The following ERCC2 variants were observed in gnomAD, a reference collection of about 807,000 sequenced individuals.
ERCC2 encodes the protein general transcription and DNA repair factor IIH helicase subunit XPD.
Under a neutral mutation model 99.4 loss-of-function variants are expected in ERCC2, and 90 were observed. The observed-to-expected ratio is 0.91, with a 90% CI of 0.76 to 1.08. The LOEUF is 1.08. Ranked by LOEUF, ERCC2 falls within the 50% of genes least tolerant of loss-of-function variation. The pLI, the probability that ERCC2 is intolerant of heterozygous loss-of-function variation, is 0.00. For missense variants in ERCC2, 993 were observed against 1,038.1 expected (o/e 0.96, Z 0.60); for synonymous variants, 497 against 432.4 (o/e 1.15, Z -1.85).
In ERCC2 at chr19:45,350,858, T is replaced by G; in HGVS notation, c.*771A>C. On this transcript the variant is annotated 3_prime_UTR_variant, in exon 23 of 23. Coordinates refer to ENST00000391945, the MANE Select transcript of ERCC2 (RefSeq NM_000400.4). ...CCTTCCATGGCTCCCATCTCCCCTG[T>G]GATACACACAGATCAAACCCTGTGC... 7.3e-7 allele frequency: 1 copy of G among 1,368,346 alleles called. No homozygotes were observed. Among genetic ancestry groups the G allele is most frequent in the Non-Finnish European group, 1.0e-6 (1 of 982,888 alleles). The allele number at this position is 1,368,346 out of a possible 1,614,324, so 84.8% of individuals were successfully genotyped here. A position where few individuals can be genotyped will look rare whatever the true frequency, so the allele number is the denominator to read the frequency against.
At chr19:45,358,022 C>T in intron 12 of ERCC2, 2 of 479,098 alleles carry the variant, frequency 4.2e-6, no homozygotes, top group Non-Finnish European at 7.7e-6. Flanking sequence ...GGAGCCAGAG[C>T]CTCAAGCTTT....
rs142103003 is a variant in ERCC2 at position 45,351,457 on chromosome 19, C to T, written c.*172G>A. ...TCTATCATCTCCTGGCCCCCCCTTG[C>T]CTCTGGGTACCTGGTGGATAGCTGC... On this transcript the variant is annotated 3_prime_UTR_variant, in exon 23 of 23. Transcript: ENST00000391945. 5.2e-3 allele frequency: 8,270 copies of T among 1,582,124 alleles called. 26 individuals carry two copies. Among genetic ancestry groups the T allele is most frequent in the Non-Finnish European group, 6.1e-3 (7,162 of 1,167,974 alleles).
rs200961718 is a variant in ERCC2 at position 45,350,402 on chromosome 19, T to C, written c.*1227A>G. ...GCGGAAGAGCTGTACAAAGAAATCCTCCACAAGGAGGACCTACCCGCCCCT... is the reference window on the plus strand; with the variant it reads ...GCGGAAGAGCTGTACAAAGAAATCCCCCACAAGGAGGACCTACCCGCCCCT... On this transcript the variant is annotated 3_prime_UTR_variant, in exon 23 of 23. Coordinates refer to ENST00000391945, the MANE Select transcript of ERCC2 (RefSeq NM_000400.4). 2.5e-4 allele frequency: 398 copies of C among 1,612,228 alleles called. No individual in the cohort carries two copies. Among genetic ancestry groups the C allele is most frequent in the Non-Finnish European group, 3.3e-4 (385 of 1,179,700 alleles).
rs138038607 is a variant in ERCC2 at position 45,353,125 on chromosome 19, G to A, written c.1789C>T (p.Leu597=). 2.4e-4 allele frequency: 394 copies of A among 1,613,638 alleles called. 1 individual carries two copies. The African/African-American group carries it at 3.0e-3, about 12-fold the overall frequency. ...GACACTTTGCCCCGGGCCACTGACA[G>A]CAGGATGGCCCCGCGGCCATTCTCG... ...ACENGRGAIL[L]SVARGKVSEG... Residue 597 remains leucine (L), a synonymous_variant, in exon 19 of 23, where the codon CTG becomes TTG. Coordinates refer to ENST00000391945, the MANE Select transcript of ERCC2 (RefSeq NM_000400.4).
intron 17 of ERCC2, 27 bp downstream of exon 17, chr19:45,354,703 G>A (rs967559959): frequency 6.2e-7 from 1 of 1,613,072 alleles, no homozygotes. Flanking sequence ...AGGAGAGCAG[G>A]TGCAGGGAGG....
chr19:45,370,490 A>G (rs994040151), intron 1 of ERCC2, 46 bp downstream of exon 1: 2 of 1,520,172 alleles, frequency 1.3e-6, no homozygotes, highest in African/African-American at 1.5e-5. Context: ...CATCTTCAAG[A>G]CCCCCCGCGC....
At position 45,352,004 on chromosome 19, in the gene ERCC2, G is replaced by T. The variant is rs238418; in HGVS notation, c.2190+205C>A. Among the ~76,000 whole-genome samples the T allele has an allele frequency of 0.52, 78,749 of 152,048 alleles. 23,713 individuals are homozygous for T. Among genetic ancestry groups the T allele is most frequent in the African/African-American group, 0.85 (35,081 of 41,494 alleles). ...TCACCCCAACTTCTCTCACCCTGCC[G>T]TGCCTGGGCCACCTGCTGGCATCTG... On this transcript the variant is annotated intron_variant, in intron 22 of 22. Coordinates refer to ENST00000391945, the MANE Select transcript of ERCC2 (RefSeq NM_000400.4).
At chr19:45,367,714 A>G (rs946325085) in intron 5 of ERCC2, among the ~76,000 whole-genome samples, 1 of 151,848 alleles carries the variant, frequency 6.6e-6, no homozygotes, top group African/African-American at 2.4e-5. Flanking sequence ...GGGTTTCTCC[A>G]TATTGGCCAG....
Position 45,350,525 on chromosome 19 carries a change from A to ACAGG in ERCC2, c.*1100_*1103dup, listed in dbSNP as rs755980703. On this transcript the variant is annotated 3_prime_UTR_variant, in exon 23 of 23. Transcript: ENST00000391945. The stretch of plus-strand genomic sequence containing the variant: ...ATCTTTCCCCCTAGGTGCCCCCAAC[A>ACAGG]CAGGCACAGCTGGTGACGCAGAACA... The ACAGG allele has an allele frequency of 1.9e-6, 3 of 1,612,206 alleles. No homozygotes were observed. The African/African-American group carries it at 4.0e-5, about 22-fold the overall frequency.
intron 12 of ERCC2, 59 bp downstream of exon 12, chr19:45,361,465 C>T: frequency 7.9e-7 from 1 of 1,263,484 alleles, no homozygotes; most frequent in South Asian, 1.2e-5. Flanking sequence ...CTAGACCCTG[C>T]TGGGACCCTG....
chr19:45,364,886 G>A lies in ERCC2; in HGVS notation c.546C>T (p.Ala182=). 6.2e-7 allele frequency: 1 copy of A among 1,614,118 alleles called. No homozygotes were observed. Among genetic ancestry groups the A allele is most frequent in the Non-Finnish European group, 8.5e-7 (1 of 1,180,014 alleles). Residue 182 remains alanine, a synonymous_variant, in exon 7 of 23, where the codon GCC becomes GCT. Transcript: ENST00000391945. The part of the protein sequence containing the change: ...AGIYNLDDLK[A]LGRRQGWCPY... ...GGCACCAGCCCTGGCGCCGCCCCAG[G>A]GCCTTCAGGTCATCCAGGTTGTAGA... is the stretch of plus-strand genomic sequence containing the variant.
At chr19:45,358,741 T>C in intron 12 of ERCC2, 1 of 731,836 alleles carries the variant, frequency 1.4e-6, no homozygotes, top group Non-Finnish European at 2.5e-6. Context: ...CGCAGACATA[T>C]TCCAACACAA....
chr19:45,352,226 C>G lies in ERCC2; in HGVS notation c.2173G>C (p.Ala725Pro), dbSNP rs121913018. 2.5e-5 allele frequency: 41 copies of G among 1,613,832 alleles called. No individual in the cohort carries two copies. Among genetic ancestry groups the G allele is most frequent in the Non-Finnish European group, 3.5e-5 (41 of 1,179,982 alleles). ...GGCCTCACCCGGTGGAAGGGCTGTG[C>G]CATCTGCCGCAGGAAGTACTTGGCC... ...QVAKYFLRQMAQPFHREDQLG... is the reference protein window; with the variant it reads ...QVAKYFLRQMPQPFHREDQLG... The change falls in exon 22 of 23, where the codon GCA becomes CCA. Residue 725 changes from alanine to proline, a missense_variant. Coordinates refer to ENST00000391945, the MANE Select transcript of ERCC2 (RefSeq NM_000400.4).
Position 45,354,824 on chromosome 19 carries a change from A to G in ERCC2, c.1571T>C (p.Leu524Pro). Reference sequence around the variant, plus strand: ...AGGGACCACAGCGGACATCTCCAGCAGGAGGTTCCCATAGTTCCGGATCAC... The same window carrying G: ...AGGGACCACAGCGGACATCTCCAGCGGGAGGTTCCCATAGTTCCGGATCAC... ...IAVIRNYGNL[L>P]LEMSAVVPDG... is the part of the protein sequence containing the mutation. The change falls in exon 17 of 23, where the codon CTG (leucine) becomes CCG (proline). Residue 524 changes from leucine to proline, a missense_variant. Coordinates refer to ENST00000391945, the MANE Select transcript of ERCC2 (RefSeq NM_000400.4). The G allele has an allele frequency of 6.2e-7, 1 of 1,614,120 alleles. No homozygotes were observed. Among genetic ancestry groups the G allele is most frequent in the Non-Finnish European group, 8.5e-7 (1 of 1,179,974 alleles).
At chr19:45,366,402 A>C (rs1349155574) in intron 5 of ERCC2, among the ~76,000 whole-genome samples, 1 of 152,208 alleles carries the variant, frequency 6.6e-6, no homozygotes, top group East Asian at 1.9e-4. Context: ...TCGGCCTCCC[A>C]AAGTGCTGGG....
chr19:45,359,373 A>G (rs576523294), intron 12 of ERCC2, among the ~76,000 whole-genome samples: 1 of 152,332 alleles, frequency 6.6e-6, no homozygotes, highest in African/African-American at 2.4e-5. Flanking sequence ...CTCGCTACCC[A>G]GCCCCAGGGC....
intron 11 of ERCC2, among the ~76,000 whole-genome samples, chr19:45,362,252 C>T (rs985914578): frequency 8.5e-5 from 13 of 152,234 alleles, no homozygotes; most frequent in African/African-American, 2.6e-4. Flanking sequence ...AAACAAGAGA[C>T]GCACAATCAC....
chr19:45,355,133 G>A (rs991799428), intron 16 of ERCC2, among the ~76,000 whole-genome samples: 52 of 152,354 alleles, frequency 3.4e-4, no homozygotes, highest in African/African-American at 1.2e-3. Context: ...GAGGCGGGTG[G>A]ATCATCTGAA....
Position 45,352,301 on chromosome 19 carries a change from G to A in ERCC2, c.2098C>T (p.His700Tyr), listed in dbSNP as rs771934871. The part of the protein sequence containing the change: ...RGKLPRWIQE[H>Y]LTDANLNLTV... ...AGGTTGAGGTTGGCATCTGTGAGGT[G>A]CTCCTGGATCCAGCGGGGCAGCTTC... The change falls in exon 22 of 23, where the codon CAC becomes TAC. Residue 700 changes from histidine to tyrosine, a missense_variant. Around this residue, in one of 3 missense-constraint regions of ERCC2, gnomAD observed 909 missense variants for 930.8 expected, o/e 0.98. Coordinates refer to ENST00000391945, the MANE Select transcript of ERCC2 (RefSeq NM_000400.4). The A allele has an allele frequency of 2.5e-6, 4 of 1,614,136 alleles. No individual in the cohort carries two copies. The highest frequency in any genetic ancestry group is 3.4e-6 in the Non-Finnish European group (4 of 1,180,022).
Sources: gnomAD v4.1 joint callset for allele counts (sites outside exome capture counted in the v4.1 genomes callset) on GRCh38, gnomAD v4.1.1 for gene constraint, gnomAD v4.1.1 regional missense constraint, MANE v1.5 for transcripts, NCBI Gene and HGNC (gene_info 2026-07-23, HGNC 2026-07-21) for gene names.